The following CD99L2 variants were observed in gnomAD, a reference collection of about 807,000 sequenced individuals.
CD99L2 encodes the protein CD99 antigen-like protein 2.
Under a neutral mutation model 27.3 loss-of-function variants are expected in CD99L2, and 24 were observed. The ratio of observed to expected loss-of-function variants is 0.88; its 90% confidence interval spans 0.64 to 1.24. The LOEUF (loss-of-function observed/expected upper bound fraction) is 1.24, where lower values mean the gene tolerates loss of function less well. Among genes scored for constraint, CD99L2 ranks in the 50% most tolerant of loss-of-function variants. The probability of loss-of-function intolerance (pLI) is 0.00; values close to 1 mark genes in which losing one functional copy is unlikely to be tolerated. For missense variants in CD99L2, 255 were observed against 221.6 expected (o/e 1.15, Z -0.96); for synonymous variants, 97 against 87.9 (o/e 1.10, Z -0.58).
intron 7 of CD99L2, among the ~76,000 whole-genome samples, chrX:150,778,686 ATAT>A (rs1178434700): frequency 0.067 from 1,446 of 21,563 alleles, 31 homozygotes; most frequent in East Asian, 0.2. Flanking sequence ...AAAAAAAAAA[ATAT>A]ATATATATAT....
rs1382349433 is a variant in CD99L2, at chrX:150,766,361, G to GCAAA, written c.*2669_*2672dup. The GCAAA allele has an allele frequency of 9.0e-6, 1 of 111,018 alleles. No homozygotes were observed. Among genetic ancestry groups the GCAAA allele is most frequent in the Non-Finnish European group, 1.9e-5 (1 of 53,012 alleles). 9.1% of individuals were successfully genotyped at this position (111,018 alleles called of 1,213,427 possible). On this transcript the variant is annotated 3_prime_UTR_variant, in exon 11 of 11. Transcript: ENST00000370377. ...TCTGCTCGGTGCCATTTTATTTAATGCAAACACTAGACAGTTTACAAGTCA... is the reference window on the plus strand; with the variant it reads ...TCTGCTCGGTGCCATTTTATTTAATGCAAACAAACACTAGACAGTTTACAAGTCA...
intron 1 of CD99L2, 54 bp from the exon 2 acceptor site, chrX:150,831,347 G>T: frequency 1.0e-6 from 1 of 959,306 alleles, no homozygotes; most frequent in Non-Finnish European, 1.5e-6. Flanking sequence ...AAGTAATAAT[G>T]AAATATCCTC....
chrX:150,825,922 G>A (rs1483430432), intron 2 of CD99L2, among the ~76,000 whole-genome samples: 1 of 111,791 alleles, frequency 8.9e-6, no homozygotes, highest in African/African-American at 3.3e-5. Context: ...CTTAATAATG[G>A]TAACTGCTTG....
intron 1 of CD99L2, among the ~76,000 whole-genome samples, chrX:150,837,214 A>C (rs2046544884): frequency 9.0e-6 from 1 of 111,108 alleles, no homozygotes; most frequent in Non-Finnish European, 1.9e-5. Context: ...TTGAATCTTG[A>C]AGCATCTTGA....
chrX:150,835,627 G>C (rs2046515234), intron 1 of CD99L2, among the ~76,000 whole-genome samples: 1 of 111,948 alleles, frequency 8.9e-6, no homozygotes, highest in South Asian at 3.7e-4. Context: ...CCTTTAGACA[G>C]TGTCATGAAT....
intron 1 of CD99L2, among the ~76,000 whole-genome samples, chrX:150,855,345 G>T (rs922743624): frequency 2.7e-5 from 3 of 111,718 alleles, no homozygotes; most frequent in African/African-American, 9.8e-5. Flanking sequence ...ATGAAGAAAA[G>T]AGGTTAAATT....
chrX:150,849,044 T>C (rs782090669), intron 1 of CD99L2, among the ~76,000 whole-genome samples: 3 of 111,476 alleles, frequency 2.7e-5, no homozygotes, highest in Admixed American at 1.9e-4. Context: ...GTGCAACTTT[T>C]CTCCATGAAC....
At chrX:150,830,525 C>A (rs1246480468) in intron 2 of CD99L2, among the ~76,000 whole-genome samples, 1 of 105,359 alleles carries the variant, frequency 9.5e-6, no homozygotes, top group East Asian at 3.0e-4. Context: ...CCACTGTACT[C>A]CAGCTTGGGC....
intron 1 of CD99L2, among the ~76,000 whole-genome samples, chrX:150,844,610 T>C (rs66596395): frequency 0.054 from 6,052 of 112,214 alleles, 178 homozygotes; most frequent in African/African-American, 0.1. Flanking sequence ...GAGTAATTAA[T>C]ATCCTCTGGA....
intron 7 of CD99L2, among the ~76,000 whole-genome samples, chrX:150,790,117 A>T (rs781897738): frequency 1.8e-5 from 2 of 110,981 alleles, no homozygotes; most frequent in East Asian, 5.7e-4. Context: ...GTATGGCTCC[A>T]ATTCTATGGC....
At chrX:150,770,956 T>C (rs1196018966) in intron 9 of CD99L2, among the ~76,000 whole-genome samples, 2 of 112,629 alleles carry the variant, frequency 1.8e-5, no homozygotes, top group African/African-American at 6.5e-5. Context: ...GCTGCTTCAG[T>C]CTAGTTAGTT....
chrX:150,790,850 G>A (rs1412650641), intron 7 of CD99L2, among the ~76,000 whole-genome samples: 3 of 111,910 alleles, frequency 2.7e-5, no homozygotes, highest in Non-Finnish European at 5.6e-5. Context: ...GTATATATAT[G>A]GTGTTATGTA....
chrX:150,828,422 G>A lies in CD99L2; in HGVS notation c.130+2809C>T, dbSNP rs1266126464. On this transcript the variant is annotated intron_variant, in intron 2 of 10. Transcript: ENST00000370377. ...ATGTAAGAGATAAGGAAACTGAGGTGCAGACAAGTCAGGTGACTTACCCAA... is the reference window on the plus strand; with the variant it reads ...ATGTAAGAGATAAGGAAACTGAGGTACAGACAAGTCAGGTGACTTACCCAA... 18 of 111,725 alleles carry A rather than the reference G, an allele frequency of 1.6e-4. No individual in the cohort carries two copies. The Admixed American group carries it at 1.7e-3, about 11-fold the overall frequency. 9.2% of individuals were successfully genotyped at this position (111,725 alleles called of 1,213,427 possible).
intron 9 of CD99L2, chrX:150,771,931 A>G: frequency 1.1e-6 from 1 of 887,560 alleles, no homozygotes; most frequent in Non-Finnish European, 1.6e-6. Context: ...AAGGGTCCCC[A>G]GCATGGGCCT....
chrX:150,829,379 C>T (rs782042674), intron 2 of CD99L2: 4 of 327,862 alleles, frequency 1.2e-5, no homozygotes, highest in Non-Finnish European at 2.4e-5. Flanking sequence ...GAAAGGGGAA[C>T]ACCACGTGAC....
At chrX:150,771,119 G>A (rs1157870592) in intron 9 of CD99L2, among the ~76,000 whole-genome samples, 9 of 111,962 alleles carry the variant, frequency 8.0e-5, no homozygotes, top group Admixed American at 1.9e-4. Flanking sequence ...TCATCCCTGC[G>A]TAGCACAGGG....
chrX:150,840,280 T>A (rs2046604918), intron 1 of CD99L2, among the ~76,000 whole-genome samples: 1 of 111,253 alleles, frequency 9.0e-6, no homozygotes, highest in Admixed American at 9.5e-5. Flanking sequence ...AGGTAATGGA[T>A]CTAATGTTTG....
chrX:150,857,096 A>C (rs1487240747), intron 1 of CD99L2, among the ~76,000 whole-genome samples: 1 of 111,989 alleles, frequency 8.9e-6, no homozygotes, highest in Non-Finnish European at 1.9e-5. Flanking sequence ...AAAAAGAATG[A>C]GCAAAGCCTT....
At chrX:150,801,975 T>C (rs2045914757) in intron 4 of CD99L2, among the ~76,000 whole-genome samples, 1 of 112,318 alleles carries the variant, frequency 8.9e-6, no homozygotes, top group Non-Finnish European at 1.9e-5. Context: ...CTGAATGCTC[T>C]TTCTTTAAGG....
Sources: allele counts gnomAD v4.1 joint callset (sites outside exome capture counted in the v4.1 genomes callset), GRCh38; gene constraint gnomAD v4.1.1; transcripts MANE v1.5; gene names NCBI Gene and HGNC (gene_info 2026-07-23, HGNC 2026-07-21).